CALY: variants seen among roughly 807,000 people sequenced by gnomAD.
CALY encodes calcyon neuron specific vesicular protein.
CALY carries 15 observed loss-of-function variants against 20.2 expected under a neutral mutation model. The observed-to-expected ratio is 0.74, with a 90% CI of 0.50 to 1.14. The LOEUF (loss-of-function observed/expected upper bound fraction) is 1.14. Among genes scored for constraint, CALY ranks in the 50% most tolerant of loss-of-function variants. The pLI, the probability that CALY is intolerant of heterozygous loss-of-function variation, is 0.00. For synonymous variants in CALY, 129 were observed against 131.8 expected (o/e 0.98, Z 0.15); for missense variants, 270 against 304.4 (o/e 0.89, Z 0.84).
At chr10:133,336,108 GC>G (rs1848437832) in intron 1 of CALY, among the ~76,000 whole-genome samples, 1 of 152,026 alleles carries the variant, frequency 6.6e-6, no homozygotes, top group Non-Finnish European at 1.5e-5. Context: ...GTCCCGCCCA[GC>G]CCCCGCGGGC....
At position 133,326,893 on chromosome 10, in the gene CALY, G is replaced by T; in HGVS notation, c.345C>A (p.Asp115Glu). 1 of 1,607,398 alleles carries T rather than the reference G, an allele frequency of 6.2e-7. No individual in the cohort carries two copies. Among genetic ancestry groups the T allele is most frequent in the South Asian group, 1.1e-5 (1 of 89,512 alleles). Residue 115 changes from aspartate to glutamate, a missense_variant, in exon 4 of 6, where the codon GAC (aspartate) becomes GAA (glutamate). Physicochemically the swap from Asp to Glu is conservative, Grantham distance 45 (BLOSUM62 2). Coordinates refer to ENST00000252939, the MANE Select transcript of CALY (RefSeq NM_015722.4). ...AIWYDQFTCP[D>E]GFLLRHKICT... ...GCCCCCTTACCCGCAGCAGGAAGCCGTCGGGGCAGGTGAACTGGTCGTACC... is the reference window on the plus strand; with the variant it reads ...GCCCCCTTACCCGCAGCAGGAAGCCTTCGGGGCAGGTGAACTGGTCGTACC...
intron 3 of CALY, chr10:133,327,460 G>A: frequency 1.8e-6 from 1 of 551,280 alleles, no homozygotes; most frequent in Non-Finnish European, 3.2e-6. Flanking sequence ...ACTGGAGAAT[G>A]GAAGGCTTTG....
Position 133,326,039 on chromosome 10 carries a change from T to C in CALY, c.442A>G (p.Ile148Val). The change falls in exon 5 of 6, where the codon ATC becomes GTC. Residue 148 changes from isoleucine (I) to valine (V), a missense_variant. Physicochemically the swap from Ile to Val is conservative, Grantham distance 29 (BLOSUM62 3). Coordinates refer to ENST00000252939, the MANE Select transcript of CALY (RefSeq NM_015722.4). The stretch of plus-strand genomic sequence containing the variant: ...TTGCGGCTCAGCGGGTAGGCCCCGA[T>C]GGCCGCCAGGATGCTGCGGTGGCGC... ...PERHRSILAA[I>V]GAYPLSRKHG... 4 of 1,593,308 alleles carry C rather than the reference T, an allele frequency of 2.5e-6. No individual in the cohort carries two copies. In the South Asian group the frequency reaches 4.5e-5, roughly 18 times the overall value.
At chr10:133,329,389 C>CTTTTTTTTTT (rs1325679515) in intron 1 of CALY, among the ~76,000 whole-genome samples, 1 of 99,614 alleles carries the variant, frequency 1.0e-5, no homozygotes, top group African/African-American at 4.1e-5. Context: ...TCTTCTTCTT[C>CTTTTTTTTTT]TTCTTTTTTT....
At chr10:133,328,805 TG>T in intron 2 of CALY, 49 bp downstream of exon 2, 1 of 1,504,574 alleles carries the variant, frequency 6.6e-7, no homozygotes, top group South Asian at 1.2e-5. Context: ...CACACCCCTT[TG>T]TTCCCAGGGG....
At chr10:133,329,702 G>T (rs1174541593) in intron 1 of CALY, among the ~76,000 whole-genome samples, 2 of 152,124 alleles carry the variant, frequency 1.3e-5, no homozygotes, top group African/African-American at 4.8e-5. Context: ...GACAATCCCG[G>T]ACATCAGTAT....
chr10:133,333,461 A>G (rs1448356368), intron 1 of CALY, among the ~76,000 whole-genome samples: 1 of 134,074 alleles, frequency 7.5e-6, no homozygotes, highest in African/African-American at 2.9e-5. Context: ...GAGGGATCCG[A>G]AGGGGTAAGG....
intron 1 of CALY, among the ~76,000 whole-genome samples, chr10:133,330,159 A>G (rs907476886): frequency 3.3e-5 from 5 of 152,174 alleles, no homozygotes; most frequent in Admixed American, 1.3e-4. Context: ...TATTCAATCA[A>G]TCAAAGGAGA....
intron 1 of CALY, among the ~76,000 whole-genome samples, chr10:133,335,683 C>T (rs546416474): frequency 6.6e-6 from 1 of 152,354 alleles, no homozygotes; most frequent in African/African-American, 2.4e-5. Context: ...GGGGCCTCCT[C>T]CCACGGATGA....
At chr10:133,327,578 A>G in intron 3 of CALY, 1 of 589,870 alleles carries the variant, frequency 1.7e-6, no homozygotes, top group Admixed American at 3.0e-5. Flanking sequence ...AGGAAGTATT[A>G]CATAGAAAGC....
chr10:133,333,317 G>T (rs1306429888), intron 1 of CALY, among the ~76,000 whole-genome samples: 5 of 116,202 alleles, frequency 4.3e-5, no homozygotes, highest in Non-Finnish European at 5.5e-5. Context: ...GATCCGAGGG[G>T]TGAGGGATCC....
Position 133,324,971 on chromosome 10 carries a change from C to T in CALY, c.*624G>A, listed in dbSNP as rs1848179540. The stretch of plus-strand genomic sequence containing the variant: ...TCCTTTCTTCACTTGGTCATTTATG[C>T]CTGTGGGCCACACATCTAGGAGGCA... On this transcript the variant is annotated 3_prime_UTR_variant, in exon 6 of 6. Transcript: ENST00000252939. 2 of 189,358 alleles carry T rather than the reference C, an allele frequency of 1.1e-5. No individual in the cohort carries two copies. The highest frequency in any genetic ancestry group is 8.6e-5 in the South Asian group (1 of 11,632). 11.7% of individuals were successfully genotyped at this position (189,358 alleles called of 1,614,324 possible).
At position 133,325,849 on chromosome 10, in the gene CALY, G is replaced by A. The variant is rs1362719178; in HGVS notation, c.632C>T (p.Ala211Val). 2.4e-6 allele frequency: 3 copies of A among 1,232,324 alleles called. No homozygotes were observed. The highest frequency in any genetic ancestry group is 3.1e-5 in the African/African-American group (2 of 63,734). 76.3% of individuals were successfully genotyped at this position (1,232,324 alleles called of 1,614,324 possible). The change falls in exon 5 of 6, where the codon GCG becomes GTG. Residue 211 changes from alanine to valine, a missense_variant. Physicochemically the swap from Ala to Val is moderately conservative, Grantham distance 64. Coordinates refer to ENST00000252939, the MANE Select transcript of CALY (RefSeq NM_015722.4). ...ACGTCACTGCGCGGGCGGGGGCGCC[G>A]CGCTCCCGGCCGCCTTCCGCGCCGC... ...KEAARKAAGS[A>V]APPPAQ
Position 133,325,236 on chromosome 10 carries a change from A to G in CALY, c.*359T>C, listed in dbSNP as rs1365127850. The stretch of plus-strand genomic sequence containing the variant: ...GGCTTGGACAAGGCCCGGACCACGC[A>G]GCGCGAGGATGCGCGTGCTCCGCCT... On this transcript the variant is annotated 3_prime_UTR_variant, in exon 6 of 6. Coordinates refer to ENST00000252939, the MANE Select transcript of CALY (RefSeq NM_015722.4). The G allele has an allele frequency of 6.6e-6, 1 of 152,452 alleles. No individual in the cohort carries two copies. Among genetic ancestry groups the G allele is most frequent in the East Asian group, 1.9e-4 (1 of 5,178 alleles). The allele number at this position is 152,452 out of a possible 1,614,324, so 9.4% of individuals were successfully genotyped here.
intron 1 of CALY, among the ~76,000 whole-genome samples, chr10:133,335,239 C>A (rs1564789096): frequency 6.6e-6 from 1 of 152,074 alleles, no homozygotes; most frequent in East Asian, 1.9e-4. Context: ...ACGCCCAGAG[C>A]AAGCCCAGCC....
At chr10:133,331,715 C>T (rs1364506180) in intron 1 of CALY, among the ~76,000 whole-genome samples, 1 of 152,184 alleles carries the variant, frequency 6.6e-6, no homozygotes, top group Admixed American at 6.5e-5. Context: ...ACCCACCCCC[C>T]AATCTGTAGA....
rs967255589 is a variant in CALY, at chr10:133,324,440, G to A, written c.*1155C>T. On this transcript the variant is annotated 3_prime_UTR_variant, in exon 6 of 6. Coordinates refer to ENST00000252939, the MANE Select transcript of CALY (RefSeq NM_015722.4). ...CAAGCCTGGGAGCCAATGGTGGGGG[G>A]CTTCCATCCACCAATGGTCGGGGGC... 4.5e-6 allele frequency: 2 copies of A among 448,928 alleles called. No individual in the cohort carries two copies. Among genetic ancestry groups the A allele is most frequent in the African/African-American group, 4.1e-5 (2 of 49,010 alleles). The allele number at this position is 448,928 out of a possible 1,614,324, so 27.8% of individuals were successfully genotyped here.
chr10:133,336,545 G>C (rs1295265734), intron 1 of CALY, among the ~76,000 whole-genome samples: 2 of 152,124 alleles, frequency 1.3e-5, no homozygotes, highest in African/African-American at 2.4e-5. Flanking sequence ...GGGCCCCGCC[G>C]TCACGGGAAG....
chr10:133,333,661 C>CG (rs1848361843), intron 1 of CALY, among the ~76,000 whole-genome samples: 1 of 60,370 alleles, frequency 1.7e-5, no homozygotes, highest in Non-Finnish European at 3.3e-5. Flanking sequence ...GGCTCTGAGG[C>CG]GGAAAGATCT....
Sources: gnomAD v4.1 joint callset for allele counts (sites outside exome capture counted in the v4.1 genomes callset) on GRCh38, gnomAD v4.1.1 for gene constraint, MANE v1.5 for transcripts, NCBI Gene and HGNC (gene_info 2026-07-23, HGNC 2026-07-21) for gene names.